Variants in FNDC3B observed in about 807,000 individuals in gnomAD.
The protein encoded by FNDC3B is fibronectin type III domain containing 3B, also known as fibronectin type III domain-containing protein 3B.
A neutral mutation model predicts 151.5 loss-of-function variants in FNDC3B; 12 were observed. That is an observed-to-expected ratio of 0.08 (90% CI 0.05 to 0.13). The LOEUF is 0.13. FNDC3B is among the 10% of genes least tolerant of loss of function. The probability of loss-of-function intolerance (pLI) is 1.00; values close to 1 mark genes in which losing one functional copy is unlikely to be tolerated. For synonymous variants in FNDC3B, 528 were observed against 549.0 expected, an observed-to-expected ratio of 0.96 and a Z score of 0.54; for missense variants, 1,214 against 1,505.3, an observed-to-expected ratio of 0.81 and a Z score of 3.20.
At chr3:172,306,795 T>A (rs925885932) in intron 9 of FNDC3B, 7 of 152,632 alleles carry the variant, frequency 4.6e-5, no homozygotes, top group African/African-American at 1.4e-4. Context: ...TGGATTAAAC[T>A]GTACCTGAAC....
At chr3:172,196,430 C>T (rs968400404) in intron 3 of FNDC3B, among the ~76,000 whole-genome samples, 15 of 152,094 alleles carry the variant, frequency 9.9e-5, no homozygotes, top group African/African-American at 3.1e-4. Context: ...GAAGGATCCT[C>T]CTGCCCTGAC....
chr3:172,369,696 CG>C (rs1734790441), intron 23 of FNDC3B, among the ~76,000 whole-genome samples: 1 of 152,138 alleles, frequency 6.6e-6, no homozygotes, highest in Admixed American at 6.5e-5. Flanking sequence ...CATGCTTAGT[CG>C]GTAAACGGGG....
intron 3 of FNDC3B, among the ~76,000 whole-genome samples, chr3:172,192,334 G>C (rs1292598527): frequency 6.6e-6 from 1 of 151,688 alleles, no homozygotes; most frequent in Non-Finnish European, 1.5e-5. Context: ...CACCACCCCT[G>C]GCTAATTATT....
intron 6 of FNDC3B, among the ~76,000 whole-genome samples, chr3:172,269,748 G>A (rs1181497976): frequency 1.3e-5 from 2 of 152,004 alleles, no homozygotes; most frequent in African/African-American, 4.8e-5. Context: ...GGGTTCAAGC[G>A]GTTATCCTGC....
At chr3:172,206,707 T>C (rs1725453730) in intron 3 of FNDC3B, among the ~76,000 whole-genome samples, 1 of 148,736 alleles carries the variant, frequency 6.7e-6, no homozygotes, top group African/African-American at 2.5e-5. Context: ...GGAGACTATA[T>C]TTTAGAAAGT....
intron 3 of FNDC3B, among the ~76,000 whole-genome samples, chr3:172,135,504 T>C (rs1721314238): frequency 6.6e-6 from 1 of 152,194 alleles, no homozygotes; most frequent in Admixed American, 6.5e-5. Flanking sequence ...CAAAACAGAA[T>C]TGTGGAGCCA....
At chr3:172,234,347 T>G (rs1277027167) in intron 4 of FNDC3B, among the ~76,000 whole-genome samples, 1 of 152,244 alleles carries the variant, frequency 6.6e-6, no homozygotes, top group Non-Finnish European at 1.5e-5. Context: ...TGTTCATCAC[T>G]TGATCTCTAG....
chr3:172,078,049 C>G (rs889093822), intron 1 of FNDC3B, among the ~76,000 whole-genome samples: 1 of 152,058 alleles, frequency 6.6e-6, no homozygotes, highest in Non-Finnish European at 1.5e-5. Flanking sequence ...GGGCCAATCT[C>G]TGCTCACTGC....
At chr3:172,047,790 A>G (rs113281971) in intron 1 of FNDC3B, among the ~76,000 whole-genome samples, 130 of 152,236 alleles carry the variant, frequency 8.5e-4, no homozygotes, top group African/African-American at 3.0e-3. Flanking sequence ...GACTCCAACT[A>G]TGCCTATTTA....
intron 1 of FNDC3B, among the ~76,000 whole-genome samples, chr3:172,045,776 CT>C (rs2108451510): frequency 7.1e-6 from 1 of 140,316 alleles, no homozygotes; most frequent in South Asian, 2.2e-4. Context: ...GTCTCTCTCT[CT>C]CTCTCTCTCT....
chr3:172,300,515 A>G (rs757690125), intron 9 of FNDC3B, among the ~76,000 whole-genome samples: 1 of 152,044 alleles, frequency 6.6e-6, no homozygotes, highest in Non-Finnish European at 1.5e-5. Context: ...ACACTTGCTC[A>G]TCAGCTATTT....
chr3:172,098,285 A>T (rs988048469), intron 1 of FNDC3B, among the ~76,000 whole-genome samples: 1 of 152,162 alleles, frequency 6.6e-6, no homozygotes, highest in Non-Finnish European at 1.5e-5. Flanking sequence ...TCTATTTATT[A>T]ATTTCATTTT....
intron 1 of FNDC3B, among the ~76,000 whole-genome samples, chr3:172,070,536 A>G (rs888208890): frequency 1.1e-4 from 17 of 152,218 alleles, no homozygotes; most frequent in East Asian, 3.8e-4. Context: ...GTAGTGGCTG[A>G]CGAGGGGAGA....
At chr3:172,150,459 C>T (rs904374668) in intron 3 of FNDC3B, among the ~76,000 whole-genome samples, 1 of 151,994 alleles carries the variant, frequency 6.6e-6, no homozygotes, top group Non-Finnish European at 1.5e-5. Flanking sequence ...GCGTACACCT[C>T]TTATCTGCTG....
At chr3:172,199,789 T>G (rs909874500) in intron 3 of FNDC3B, among the ~76,000 whole-genome samples, 8 of 152,150 alleles carry the variant, frequency 5.3e-5, no homozygotes, top group African/African-American at 1.9e-4. Context: ...GGAAGACAAT[T>G]ATTTACCCAG....
intron 6 of FNDC3B, among the ~76,000 whole-genome samples, chr3:172,269,957 C>CT (rs1330197775): frequency 5.3e-5 from 8 of 152,148 alleles, no homozygotes; most frequent in Admixed American, 6.5e-5. Flanking sequence ...TAAATCTGTG[C>CT]TTTTTTATAG....
intron 3 of FNDC3B, among the ~76,000 whole-genome samples, chr3:172,189,226 T>G (rs775836357): frequency 2.0e-5 from 3 of 152,198 alleles, no homozygotes; most frequent in Non-Finnish European, 2.9e-5. Context: ...GGGGGAAGAT[T>G]TGTAAAAATG....
chr3:172,071,701 C>A (rs554015404), intron 1 of FNDC3B, among the ~76,000 whole-genome samples: 1 of 152,228 alleles, frequency 6.6e-6, no homozygotes, highest in South Asian at 2.1e-4. Context: ...CTGGTTGTCA[C>A]ACACATTCAA....
intron 9 of FNDC3B, among the ~76,000 whole-genome samples, chr3:172,301,001 G>A (rs1730887339): frequency 6.6e-6 from 1 of 152,098 alleles, no homozygotes. Flanking sequence ...AATTGCTTCG[G>A]TGAAGCAGCA....
Sources: gnomAD v4.1 joint callset for allele counts (sites outside exome capture counted in the v4.1 genomes callset) on GRCh38, gnomAD v4.1.1 for gene constraint, MANE v1.5 for transcripts, NCBI Gene and HGNC (gene_info 2026-07-23, HGNC 2026-07-21) for gene names.